ZNF362: variants seen among roughly 807,000 people sequenced by gnomAD.
ZNF362 encodes the protein zinc finger protein 362.
In ZNF362, 11 loss-of-function variants were observed where a neutral mutation model predicts 42.9. The observed-to-expected ratio is 0.26, with a 90% CI of 0.16 to 0.42. ZNF362 has a LOEUF of 0.42. Among genes scored for constraint, ZNF362 ranks in the 20% least tolerant of loss-of-function variants. ZNF362 has a pLI of 1.00. For missense variants in ZNF362, 362 were observed against 576.2 expected (o/e 0.63, Z 3.81); for synonymous variants, 255 against 257.3 (o/e 0.99, Z 0.09).
At chr1:33,283,370 A>G (rs1166020936) in intron 6 of ZNF362, among the ~76,000 whole-genome samples, 2 of 151,998 alleles carry the variant, frequency 1.3e-5, no homozygotes, top group African/African-American at 2.4e-5. Flanking sequence ...TACCTTGTCT[A>G]TTTCTCTGAC....
At chr1:33,197,901 AC>A in the ZNF362 span, among the ~76,000 whole-genome samples, 1 of 152,292 alleles carries the variant, frequency 6.6e-6, no homozygotes. Context: ...TGATCTTCCC[AC>A]CGGCCACAGT....
intron 6 of ZNF362, among the ~76,000 whole-genome samples, chr1:33,292,903 G>A (rs140604276): frequency 2.8e-3 from 423 of 152,332 alleles, no homozygotes; most frequent in African/African-American, 9.3e-3. Context: ...CAGCAGCCTG[G>A]GATGGGATCC....
chr1:33,231,736 T>G, the ZNF362 span, among the ~76,000 whole-genome samples: 2 of 152,128 alleles, frequency 1.3e-5, no homozygotes, highest in African/African-American at 4.8e-5. Context: ...CCAATTAATA[T>G]TTGTGGACTG....
chr1:33,276,631 G>T, intron 4 of ZNF362, 37 bp downstream of exon 4: 3 of 1,306,554 alleles, frequency 2.3e-6, no homozygotes, highest in South Asian at 2.0e-5. Context: ...GGCCGGTGAG[G>T]ACTGGGCAGG....
chr1:33,210,787 C>A, the ZNF362 span, among the ~76,000 whole-genome samples: 1 of 152,064 alleles, frequency 6.6e-6, no homozygotes, highest in East Asian at 1.9e-4. Context: ...GGTAGACCTT[C>A]CTCCATCCCT....
At position 33,272,605 on chromosome 1, in the gene ZNF362, C is replaced by G. The variant is rs193245541; in HGVS notation, c.38+1993C>G. ...GGCTTTTGTCGTGCTTGAGGCCTGG[C>G]CACCAGCGTGTTTCCTCTGCCCATT... is the stretch of plus-strand genomic sequence containing the variant. On this transcript the variant is annotated intron_variant, in intron 2 of 8. Coordinates refer to ENST00000539719, the MANE Select transcript of ZNF362 (RefSeq NM_152493.3). Among the ~76,000 whole-genome samples, 1,240 of 152,272 alleles carry G rather than the reference C, an allele frequency of 8.1e-3. 11 individuals are homozygous for G. The highest frequency in any genetic ancestry group is 0.02 in the Middle Eastern group (6 of 294).
the ZNF362 span, among the ~76,000 whole-genome samples, chr1:33,183,551 A>G: frequency 6.6e-6 from 1 of 151,238 alleles, no homozygotes; most frequent in Non-Finnish European, 1.5e-5. Flanking sequence ...GTCCAAGTCC[A>G]TTATGGTGGT....
At chr1:33,256,969 C>T (rs1301849894) in intron 1 of ZNF362, among the ~76,000 whole-genome samples, 1 of 152,100 alleles carries the variant, frequency 6.6e-6, no homozygotes, top group African/African-American at 2.4e-5. Context: ...GCTATTCAAA[C>T]CCTGCTGCAA....
chr1:33,181,702 G>T, the ZNF362 span: 6 of 514,246 alleles, frequency 1.2e-5, no homozygotes, highest in Non-Finnish European at 2.0e-5. The surrounding 1 kb of genome is among the most constrained non-coding windows in gnomAD (Gnocchi z 6.5). Flanking sequence ...AGGAGGCTGT[G>T]AGCGGCTGAG....
chr1:33,172,253 C>T, the ZNF362 span, among the ~76,000 whole-genome samples: 7 of 152,088 alleles, frequency 4.6e-5, no homozygotes, highest in Non-Finnish European at 1.0e-4. Flanking sequence ...GGGGGAGCTT[C>T]AAGGAAGGAG....
chr1:33,200,418 A>G, the ZNF362 span: 1 of 152,194 alleles, frequency 6.6e-6, no homozygotes, highest in African/African-American at 2.4e-5. Context: ...TAGGACAAAC[A>G]GAAGTCAGAT....
At chr1:33,269,759 C>G (rs1557789300) in intron 1 of ZNF362, among the ~76,000 whole-genome samples, 1 of 152,140 alleles carries the variant, frequency 6.6e-6, no homozygotes, top group Non-Finnish European at 1.5e-5. Flanking sequence ...GGGGGATGGC[C>G]GTAAGTTGCT....
chr1:33,169,121 T>C, the ZNF362 span, among the ~76,000 whole-genome samples: 1 of 151,956 alleles, frequency 6.6e-6, no homozygotes, highest in Non-Finnish European at 1.5e-5. Flanking sequence ...GAGGTGTGAG[T>C]CCTAAACGTG....
chr1:33,226,734 G>A, the ZNF362 span, among the ~76,000 whole-genome samples: 26,735 of 152,130 alleles, frequency 0.18, 2,681 homozygotes, highest in South Asian at 0.27. Context: ...GCATGGTGGC[G>A]CATGCCTGTG....
At chr1:33,292,690 G>T (rs564924544) in intron 6 of ZNF362, among the ~76,000 whole-genome samples, 4 of 152,166 alleles carry the variant, frequency 2.6e-5, no homozygotes, top group Middle Eastern at 3.2e-3. Flanking sequence ...CTGTGAATCC[G>T]TCTGGTCCTG....
the ZNF362 span, chr1:33,165,454 G>C: frequency 6.4e-7 from 1 of 1,572,264 alleles, no homozygotes. The surrounding 1 kb of genome is among the most constrained non-coding windows in gnomAD (Gnocchi z 4.0). Context: ...CCACCTCCGC[G>C]CCCCGGCCAG....
chr1:33,184,193 T>C, the ZNF362 span, among the ~76,000 whole-genome samples: 2 of 152,208 alleles, frequency 1.3e-5, no homozygotes, highest in Non-Finnish European at 2.9e-5. Context: ...GCAAAATCAA[T>C]GAGAAATTCT....
upstream of ZNF362, among the ~76,000 whole-genome samples, chr1:33,254,196 G>A (rs1010601243): frequency 1.1e-4 from 16 of 151,262 alleles, no homozygotes; most frequent in African/African-American, 3.4e-4. Flanking sequence ...GCCCAATCTC[G>A]GCTCACTGCA....
intron 4 of ZNF362, among the ~76,000 whole-genome samples, chr1:33,279,285 A>T (rs565024608): frequency 7.9e-5 from 12 of 152,246 alleles, no homozygotes; most frequent in African/African-American, 2.9e-4. Context: ...TCAGCTTCCT[A>T]AAGTGCTGGG....
Sources: allele counts gnomAD v4.1 joint callset (sites outside exome capture counted in the v4.1 genomes callset), GRCh38; gene constraint gnomAD v4.1.1; non-coding constraint Gnocchi (gnomAD v3.1); transcripts MANE v1.5; gene names NCBI Gene and HGNC (gene_info 2026-07-23, HGNC 2026-07-21).